The following ZBTB20 variants were observed in gnomAD, a reference collection of about 807,000 sequenced individuals.
ZBTB20 encodes zinc finger and BTB domain-containing protein 20.
A neutral mutation model predicts 56.9 loss-of-function variants in ZBTB20; 9 were observed. The observed-to-expected ratio is 0.16, with a 90% CI of 0.10 to 0.28. The LOEUF (loss-of-function observed/expected upper bound fraction) is 0.28, where lower values mean the gene tolerates loss of function less well. Among genes scored for constraint, ZBTB20 ranks in the 10% least tolerant of loss-of-function variants. The probability of loss-of-function intolerance (pLI) is 1.00; values close to 1 mark genes in which losing one functional copy is unlikely to be tolerated. For missense variants in ZBTB20, 655 were observed against 1,003.0 expected, an observed-to-expected ratio of 0.65 and a Z score of 4.69; for synonymous variants, 417 against 420.7, an observed-to-expected ratio of 0.99 and a Z score of 0.11.
intron 5 of ZBTB20, among the ~76,000 whole-genome samples, chr3:114,748,279 C>CTTCTTTCTTTCTTTCTTTCT (rs147900859): frequency 9.6e-6 from 1 of 104,422 alleles, no homozygotes; most frequent in African/African-American, 3.5e-5. Context: ...TTTGTTGTAG[C>CTTCTTTCTTTCTTTCTTTCT]TTCTTTCTTT....
chr3:114,354,530 T>A (rs2081011941), intron 10 of ZBTB20, among the ~76,000 whole-genome samples: 1 of 151,958 alleles, frequency 6.6e-6, no homozygotes, highest in Non-Finnish European at 1.5e-5. Flanking sequence ...TCTCATTTAT[T>A]CCTTACAACA....
intron 7 of ZBTB20, among the ~76,000 whole-genome samples, chr3:114,471,217 T>C (rs756021258): frequency 4.6e-5 from 7 of 152,204 alleles, no homozygotes; most frequent in Non-Finnish European, 8.8e-5. Flanking sequence ...AATAACTCCA[T>C]GCATTGAACT....
intron 10 of ZBTB20, chr3:114,375,819 G>A (rs1302084352): frequency 6.6e-6 from 1 of 152,156 alleles, no homozygotes; most frequent in African/African-American, 2.4e-5. Flanking sequence ...TAATTATCTG[G>A]AAGAACAGGA....
intron 4 of ZBTB20, among the ~76,000 whole-genome samples, chr3:114,823,210 C>T (rs1416152118): frequency 6.6e-6 from 1 of 152,046 alleles, no homozygotes; most frequent in Non-Finnish European, 1.5e-5. Flanking sequence ...TTGGCCTGTG[C>T]TCTATAGGCA....
chr3:114,615,472 C>T (rs1169809726), intron 6 of ZBTB20, among the ~76,000 whole-genome samples: 1 of 152,154 alleles, frequency 6.6e-6, no homozygotes, highest in Admixed American at 6.5e-5. Flanking sequence ...GGCTGTTAAC[C>T]TTGCTGCACA....
chr3:114,489,744 C>G (rs1197405100), intron 7 of ZBTB20, among the ~76,000 whole-genome samples: 1 of 152,006 alleles, frequency 6.6e-6, no homozygotes, highest in African/African-American at 2.4e-5. Flanking sequence ...TAAAAAAAAG[C>G]TGTTTTGCTC....
intron 6 of ZBTB20, among the ~76,000 whole-genome samples, chr3:114,651,605 G>GTT (rs1330160915): frequency 1.4e-5 from 2 of 145,066 alleles, no homozygotes; most frequent in East Asian, 4.1e-4. Flanking sequence ...ATTCTTTGAA[G>GTT]TTTTAAACCT....
intron 6 of ZBTB20, among the ~76,000 whole-genome samples, chr3:114,510,432 C>T (rs2045214849): frequency 6.6e-6 from 1 of 151,832 alleles, no homozygotes; most frequent in Non-Finnish European, 1.5e-5. Context: ...GTTCCTCCTG[C>T]ATGATTTGGT....
intron 6 of ZBTB20, among the ~76,000 whole-genome samples, chr3:114,573,504 G>A (rs2053664697): frequency 1.7e-5 from 2 of 114,490 alleles, no homozygotes; most frequent in Non-Finnish European, 3.8e-5. Context: ...AAAGATGAAA[G>A]AAAGAAAAGA....
At chr3:115,035,332 A>C (rs952199492) in intron 2 of ZBTB20, among the ~76,000 whole-genome samples, 8 of 152,124 alleles carry the variant, frequency 5.3e-5, no homozygotes, top group Non-Finnish European at 1.2e-4. Context: ...TAAGGGGTTA[A>C]CATCCAAAAT....
At chr3:115,031,215 A>C (rs890583075) in intron 2 of ZBTB20, among the ~76,000 whole-genome samples, 6 of 151,566 alleles carry the variant, frequency 4.0e-5, no homozygotes, top group Admixed American at 4.0e-4. Context: ...CAGCTTTCCC[A>C]GTTTTCATGA....
At position 114,319,443 on chromosome 3, in the gene ZBTB20, C is replaced by T. The variant is rs1345305478; in HGVS notation, c.*19562G>A. On this transcript the variant is annotated 3_prime_UTR_variant, in exon 12 of 12. Transcript: ENST00000675478. ...GATTGTGAAGTTACAGCCACTCCCA[C>T]CCCTGCTCTAAAACAAAACAAAACC... The T allele has an allele frequency of 6.6e-6, 1 of 152,094 alleles. No homozygotes were observed. The highest frequency in any genetic ancestry group is 1.5e-5 in the Non-Finnish European group (1 of 68,018). 9.4% of individuals were successfully genotyped at this position (152,094 alleles called of 1,614,324 possible). A position where few individuals can be genotyped will look rare whatever the true frequency, so the allele number is the denominator to read the frequency against.
chr3:114,639,522 C>T (rs1045684007), intron 6 of ZBTB20, among the ~76,000 whole-genome samples: 8 of 150,154 alleles, frequency 5.3e-5, no homozygotes, highest in Middle Eastern at 3.4e-3. Flanking sequence ...CAGCCCGTAA[C>T]TTGTTGCTCA....
chr3:114,901,221 C>G (rs147729061), intron 3 of ZBTB20, among the ~76,000 whole-genome samples: 2 of 151,440 alleles, frequency 1.3e-5, no homozygotes, highest in Non-Finnish European at 2.9e-5. Flanking sequence ...CCCGAGATTA[C>G]GCTATTGCAC....
At chr3:114,919,583 C>T (rs1449217797) in intron 3 of ZBTB20, among the ~76,000 whole-genome samples, 2 of 151,544 alleles carry the variant, frequency 1.3e-5, no homozygotes, top group African/African-American at 2.4e-5. Flanking sequence ...CAGGTACCTG[C>T]AATCCCAGCT....
At chr3:115,076,033 C>T (rs1306439810) in intron 1 of ZBTB20, among the ~76,000 whole-genome samples, 1 of 151,730 alleles carries the variant, frequency 6.6e-6, no homozygotes, top group African/African-American at 2.4e-5. Context: ...TAAAATAGCA[C>T]CAAGAAGTAT....
intron 6 of ZBTB20, among the ~76,000 whole-genome samples, chr3:114,517,050 A>G (rs1056653708): frequency 2.0e-5 from 3 of 152,230 alleles, no homozygotes; most frequent in Admixed American, 6.5e-5. Flanking sequence ...CTGAGTGCCT[A>G]CTATGTGCTA....
chr3:115,120,725 C>T (rs560680853), intron 1 of ZBTB20, among the ~76,000 whole-genome samples: 83 of 152,130 alleles, frequency 5.5e-4, no homozygotes, highest in African/African-American at 1.5e-3. Context: ...AACTAGTTCA[C>T]GAGAAAGCTG....
At chr3:114,998,697 C>T (rs1228503943) in intron 2 of ZBTB20, among the ~76,000 whole-genome samples, 2 of 151,640 alleles carry the variant, frequency 1.3e-5, no homozygotes, top group African/African-American at 4.8e-5. Context: ...CTGAGCTTAC[C>T]TGACTTGGAT....
Sources: gnomAD v4.1 joint callset for allele counts (sites outside exome capture counted in the v4.1 genomes callset) on GRCh38, gnomAD v4.1.1 for gene constraint, MANE v1.5 for transcripts, NCBI Gene and HGNC (gene_info 2026-07-23, HGNC 2026-07-21) for gene names.